ATF7IP: variants seen among roughly 807,000 people sequenced by gnomAD.
The protein encoded by ATF7IP is activating transcription factor 7-interacting protein 1.
In ATF7IP, 23 loss-of-function variants were observed where a neutral mutation model predicts 106.4. The observed-to-expected ratio is 0.22, with a 90% CI of 0.16 to 0.31. The LOEUF (loss-of-function observed/expected upper bound fraction) is 0.31. Among genes scored for constraint, ATF7IP ranks in the 10% least tolerant of loss-of-function variants. ATF7IP has a pLI of 1.00. For synonymous variants in ATF7IP, 542 were observed against 539.0 expected (o/e 1.01, Z -0.08); for missense variants, 1,334 against 1,524.3 (o/e 0.88, Z 2.08).
intron 9 of ATF7IP, among the ~76,000 whole-genome samples, chr12:14,463,025 A>G (rs945658869): frequency 2.0e-5 from 3 of 152,014 alleles, no homozygotes; most frequent in African/African-American, 7.2e-5. Context: ...TTAATAAATT[A>G]TTACTTATAA....
chr12:14,440,140 A>G (rs151280667), intron 5 of ATF7IP, among the ~76,000 whole-genome samples: 28 of 152,270 alleles, frequency 1.8e-4, no homozygotes, highest in African/African-American at 6.5e-4. Context: ...CCTCTCAATC[A>G]TTTCATATAC....
intron 1 of ATF7IP, chr12:14,385,291 GC>G: frequency 9.3e-7 from 1 of 1,075,544 alleles, no homozygotes; most frequent in Non-Finnish European, 1.3e-6. Context: ...ACACTTTTGT[GC>G]AACTGAGACT....
intron 5 of ATF7IP, among the ~76,000 whole-genome samples, chr12:14,439,363 A>T (rs754120842): frequency 6.6e-6 from 1 of 152,214 alleles, no homozygotes; most frequent in Admixed American, 6.5e-5. Context: ...GCTAAATAGG[A>T]TTAGAATTTA....
chr12:14,414,449 T>C (rs1045169373), intron 1 of ATF7IP, among the ~76,000 whole-genome samples: 3 of 152,230 alleles, frequency 2.0e-5, no homozygotes, highest in Non-Finnish European at 2.9e-5. Context: ...TTGTAAACTT[T>C]CTTAAAACAT....
At chr12:14,369,845 A>G (rs1438931427) in intron 1 of ATF7IP, among the ~76,000 whole-genome samples, 6 of 151,832 alleles carry the variant, frequency 4.0e-5, no homozygotes, top group Non-Finnish European at 5.9e-5. Flanking sequence ...ATTCTGATTC[A>G]TATACTAGGT....
chr12:14,418,546 T>G (rs1322490726), intron 1 of ATF7IP, among the ~76,000 whole-genome samples: 8 of 152,172 alleles, frequency 5.3e-5, no homozygotes, highest in African/African-American at 1.7e-4. Context: ...TGTTTTGCAC[T>G]GGTATTACAG....
intron 1 of ATF7IP, among the ~76,000 whole-genome samples, chr12:14,416,740 A>C (rs564676316): frequency 1.3e-5 from 2 of 152,288 alleles, no homozygotes; most frequent in South Asian, 4.1e-4. Context: ...TTTTTAATAG[A>C]GCTCTTGCCC....
chr12:14,404,662 C>CT (rs1050676442), intron 1 of ATF7IP, among the ~76,000 whole-genome samples: 9 of 151,044 alleles, frequency 6.0e-5, no homozygotes, highest in Non-Finnish European at 8.9e-5. Context: ...TCACAACTCT[C>CT]TTTTTTTTTG....
intron 13 of ATF7IP, among the ~76,000 whole-genome samples, chr12:14,490,980 A>G (rs567761332): frequency 9.9e-5 from 15 of 152,242 alleles, no homozygotes; most frequent in African/African-American, 3.4e-4. Context: ...CTGTCTCTCA[A>G]AAGGAGAGTA....
intron 1 of ATF7IP, among the ~76,000 whole-genome samples, chr12:14,390,986 T>C (rs1939516731): frequency 6.6e-6 from 1 of 152,050 alleles, no homozygotes; most frequent in Non-Finnish European, 1.5e-5. Flanking sequence ...CTAGTTAGAG[T>C]TCAACTTTAG....
At chr12:14,483,656 T>C (rs1465503966) in intron 13 of ATF7IP, among the ~76,000 whole-genome samples, 7 of 152,116 alleles carry the variant, frequency 4.6e-5, no homozygotes, top group Non-Finnish European at 8.8e-5. Flanking sequence ...CCTGGACCCA[T>C]GAATCCTGGC....
At chr12:14,460,385 A>G (rs1591912496) in intron 8 of ATF7IP, 110 bp from the exon 9 acceptor site, 1 of 1,085,948 alleles carries the variant, frequency 9.2e-7, no homozygotes, top group Non-Finnish European at 1.3e-6. Flanking sequence ...AAAAGACTTT[A>G]CAGTCTTTGC....
intron 1 of ATF7IP, chr12:14,385,129 C>T (rs930691399): frequency 4.4e-5 from 17 of 382,664 alleles, no homozygotes; most frequent in Non-Finnish European, 7.4e-5. Context: ...TTTCTGTGTC[C>T]TGTGTAGCTG....
intron 1 of ATF7IP, among the ~76,000 whole-genome samples, chr12:14,381,957 T>C (rs1450710447): frequency 6.6e-6 from 1 of 152,060 alleles, no homozygotes; most frequent in Non-Finnish European, 1.5e-5. Flanking sequence ...AGCGCTCTTA[T>C]TTTACATGGT....
chr12:14,412,620 A>G (rs1034228768), intron 1 of ATF7IP, among the ~76,000 whole-genome samples: 3 of 152,054 alleles, frequency 2.0e-5, no homozygotes, highest in African/African-American at 7.2e-5. Context: ...ACTTTGTTAA[A>G]CTCTTATTCT....
chr12:14,438,236 A>G lies in ATF7IP; in HGVS notation c.1898A>G (p.Lys633Arg). Residue 633 changes from lysine to arginine, a missense_variant, in exon 5 of 15, where the codon AAG becomes AGG. Lys to Arg is a conservative substitution (Grantham distance 26). Around this residue, in one of 10 missense-constraint regions of ATF7IP, gnomAD observed 22 missense variants for 47.4 expected, o/e 0.46. Transcript: ENST00000261168. ...CGAGTGGAAAAGATTGAATGTAACA[A>G]GAGGCATAAAACAGTTCTCACTGAA... ...KTRVEKIECN[K>R]RHKTVLTELQ... 1 of 1,613,068 alleles carries G rather than the reference A, an allele frequency of 6.2e-7. No homozygotes were observed. The highest frequency in any genetic ancestry group is 8.5e-7 in the Non-Finnish European group (1 of 1,179,962).
Position 14,450,999 on chromosome 12 carries a change from T to G in ATF7IP, c.1995+3946T>G, listed in dbSNP as rs558881327. ...TCATTTGGCCAGGGTGGTCTTGAAC[T>G]CCTGACCTCAAGTGAGCCACCGCAC... On this transcript the variant is annotated intron_variant, in intron 6 of 14. Coordinates refer to ENST00000261168, the MANE Select transcript of ATF7IP (RefSeq NM_018179.5). Among the ~76,000 whole-genome samples, 3 of 152,182 alleles carry G rather than the reference T, an allele frequency of 2.0e-5. No homozygotes were observed. The South Asian group carries it at 6.2e-4, about 32-fold the overall frequency.
intron 6 of ATF7IP, among the ~76,000 whole-genome samples, chr12:14,447,821 G>T (rs886432271): frequency 2.0e-5 from 3 of 152,056 alleles, no homozygotes; most frequent in African/African-American, 7.2e-5. Flanking sequence ...ACAGAGATTA[G>T]ATTAAGTCAC....
chr12:14,405,632 A>G (rs1001739449), intron 1 of ATF7IP, among the ~76,000 whole-genome samples: 6 of 151,938 alleles, frequency 3.9e-5, no homozygotes, highest in African/African-American at 9.7e-5. Flanking sequence ...GTCCAGGCTC[A>G]TCTTGAACTT....
Sources: allele counts gnomAD v4.1 joint callset (sites outside exome capture counted in the v4.1 genomes callset), GRCh38; gene constraint gnomAD v4.1.1; regional missense constraint gnomAD v4.1.1; transcripts MANE v1.5; gene names NCBI Gene and HGNC (gene_info 2026-07-23, HGNC 2026-07-21).